Variants in VAX2 observed in about 807,000 individuals in gnomAD.
VAX2 encodes ventral anterior homeobox 2.
In VAX2, 8 loss-of-function variants were observed where a neutral mutation model predicts 12.5. The observed-to-expected ratio is 0.64, with a 90% CI of 0.37 to 1.15. VAX2 has a LOEUF of 1.15. Ranked by LOEUF, VAX2 falls within the 50% of genes most tolerant of loss-of-function variation. The pLI, the probability that VAX2 is intolerant of heterozygous loss-of-function variation, is 0.01. For synonymous variants in VAX2, 183 were observed against 187.6 expected, an observed-to-expected ratio of 0.98 and a Z score of 0.20; for missense variants, 476 against 412.9, an observed-to-expected ratio of 1.15 and a Z score of -1.32.
At chr2:70,921,613 G>A (rs1241763623) in intron 2 of VAX2, among the ~76,000 whole-genome samples, 2 of 152,056 alleles carry the variant, frequency 1.3e-5, no homozygotes, top group Non-Finnish European at 2.9e-5. Context: ...TGTAAGAGGA[G>A]TGACAAGAAG....
At chr2:70,928,425 A>G (rs1679620052) in intron 2 of VAX2, among the ~76,000 whole-genome samples, 1 of 152,176 alleles carries the variant, frequency 6.6e-6, no homozygotes, top group African/African-American at 2.4e-5. Context: ...CAAGGTTGAG[A>G]ATTCCTGACC....
Position 70,933,041 on chromosome 2 carries a change from C to A in VAX2, c.710C>A (p.Ala237Glu). The change falls in exon 3 of 3, where the codon GCG becomes GAG. Residue 237 changes from alanine to glutamate, a missense_variant. Ala to Glu is a moderately radical substitution (Grantham distance 107, BLOSUM62 -1). Transcript: ENST00000234392. ...PRLNPLSSAS[A>E]SPPLPPPLPA... ...CTCAACCCGCTGTCCTCGGCCTCAGCGTCCCCCCCACTGCCGCCCCCTCTG... is the reference window on the plus strand; with the variant it reads ...CTCAACCCGCTGTCCTCGGCCTCAGAGTCCCCCCCACTGCCGCCCCCTCTG... 1 of 1,598,054 alleles carries A rather than the reference C, an allele frequency of 6.3e-7. No individual in the cohort carries two copies. The highest frequency in any genetic ancestry group is 8.5e-7 in the Non-Finnish European group (1 of 1,172,030).
At chr2:70,911,842 G>A (rs1679192956) in intron 1 of VAX2, among the ~76,000 whole-genome samples, 1 of 152,118 alleles carries the variant, frequency 6.6e-6, no homozygotes. Flanking sequence ...AATTCATTAT[G>A]AATATTTTCT....
At chr2:70,929,555 C>T (rs1273951757) in intron 2 of VAX2, among the ~76,000 whole-genome samples, 1 of 152,076 alleles carries the variant, frequency 6.6e-6, no homozygotes, top group Non-Finnish European at 1.5e-5. Flanking sequence ...GGTGTGATGG[C>T]ACACGCCTAT....
chr2:70,930,698 G>A (rs921638559), intron 2 of VAX2, among the ~76,000 whole-genome samples: 5 of 152,224 alleles, frequency 3.3e-5, no homozygotes, highest in African/African-American at 1.2e-4. Context: ...TCTTGGCTCT[G>A]CCTGTCTTCT....
intron 1 of VAX2, among the ~76,000 whole-genome samples, chr2:70,905,408 C>T (rs1215618595): frequency 6.6e-6 from 1 of 152,110 alleles, no homozygotes; most frequent in Non-Finnish European, 1.5e-5. Context: ...CCCACATTCC[C>T]ATAGCGTGCC....
chr2:70,927,380 GC>G (rs1181821170), intron 2 of VAX2, among the ~76,000 whole-genome samples: 1 of 151,718 alleles, frequency 6.6e-6, no homozygotes, highest in African/African-American at 2.4e-5. Flanking sequence ...TGCCCACCTA[GC>G]TTGGGTAAGA....
At chr2:70,932,059 G>T (rs1679705040) in intron 2 of VAX2, among the ~76,000 whole-genome samples, 1 of 152,224 alleles carries the variant, frequency 6.6e-6, no homozygotes, top group African/African-American at 2.4e-5. Flanking sequence ...GGGGCTTAAA[G>T]CTCCCCAGGT....
At chr2:70,915,188 C>T (rs1679282799) in intron 1 of VAX2, among the ~76,000 whole-genome samples, 1 of 151,868 alleles carries the variant, frequency 6.6e-6, no homozygotes, top group Non-Finnish European at 1.5e-5. Context: ...AAGTTTTTAG[C>T]TTTAATATAG....
chr2:70,932,793 C>A lies in VAX2; in HGVS notation c.462C>A (p.Arg154=). 1 of 1,593,960 alleles carries A rather than the reference C, an allele frequency of 6.3e-7. No individual in the cohort carries two copies. Among genetic ancestry groups the A allele is most frequent in the Non-Finnish European group, 8.6e-7 (1 of 1,168,792 alleles). Residue 154 remains arginine (R), a synonymous_variant, in exon 3 of 3, where the codon CGC becomes CGA. Coordinates refer to ENST00000234392, the MANE Select transcript of VAX2 (RefSeq NM_012476.3). Reference sequence around the variant, plus strand: ...TGAAGGTCTGGTTCCAGAACCGCCGCACCAAGCAGAAGAAAGACCAGAGCA... The same window carrying A: ...TGAAGGTCTGGTTCCAGAACCGCCGAACCAAGCAGAAGAAAGACCAGAGCA... ...TQVKVWFQNR[R]TKQKKDQSRD...
intron 1 of VAX2, among the ~76,000 whole-genome samples, chr2:70,916,783 A>G (rs959400631): frequency 6.6e-6 from 1 of 152,096 alleles, no homozygotes; most frequent in Non-Finnish European, 1.5e-5. Context: ...CATCTGATTT[A>G]TTTCCATTAG....
At chr2:70,908,440 C>T (rs1252968097) in intron 1 of VAX2, among the ~76,000 whole-genome samples, 1 of 152,132 alleles carries the variant, frequency 6.6e-6, no homozygotes, top group Non-Finnish European at 1.5e-5. Context: ...AGTTATATAA[C>T]TTTTTTCTTC....
intron 1 of VAX2, 111 bp downstream of exon 1, chr2:70,900,979 C>A: frequency 9.4e-7 from 1 of 1,065,376 alleles, no homozygotes; most frequent in Non-Finnish European, 1.2e-6. Context: ...ATTCATTCGT[C>A]ATCCAGTCAT....
chr2:70,921,293 A>G lies in VAX2; in HGVS notation c.435+8A>G, dbSNP rs1679453129. 1 of 1,601,722 alleles carries G rather than the reference A, an allele frequency of 6.2e-7. No homozygotes were observed. The highest frequency in any genetic ancestry group is 8.5e-7 in the Non-Finnish European group (1 of 1,174,690). ...AACCTCTCCGAGACCCAGGTAAGAGACCAGGGCCAGGCCACTCCACTCTTG... is the reference window on the plus strand; with the variant it reads ...AACCTCTCCGAGACCCAGGTAAGAGGCCAGGGCCAGGCCACTCCACTCTTG... On this transcript the variant is annotated splice_region_variant and intron_variant, in intron 2 of 2. Transcript: ENST00000234392.
chr2:70,925,221 C>A (rs1679541720), intron 2 of VAX2, among the ~76,000 whole-genome samples: 1 of 152,132 alleles, frequency 6.6e-6, no homozygotes, highest in African/African-American at 2.4e-5. Context: ...TACAGAGGTT[C>A]TCTGGCTGCC....
intron 2 of VAX2, among the ~76,000 whole-genome samples, chr2:70,922,244 G>GGC (rs1461805651): frequency 6.6e-6 from 1 of 152,222 alleles, no homozygotes; most frequent in Non-Finnish European, 1.5e-5. Flanking sequence ...ATCAATACAT[G>GGC]CATTGTAAAC....
chr2:70,920,974 C>G, intron 1 of VAX2, 124 bp from the exon 2 acceptor site: 1 of 1,187,176 alleles, frequency 8.4e-7, no homozygotes, highest in Non-Finnish European at 1.1e-6. Context: ...TGTCACAGGT[C>G]ATGCAACCAG....
rs151030882 is a variant in VAX2 at position 70,910,705 on chromosome 2, G to A, written c.247+9837G>A. 4.0e-4 allele frequency among the ~76,000 whole-genome samples: 60 copies of A among 149,988 alleles called. No individual in the cohort carries two copies. The East Asian group carries it at 7.8e-3, about 19-fold the overall frequency. On this transcript the variant is annotated intron_variant, in intron 1 of 2. Coordinates refer to ENST00000234392, the MANE Select transcript of VAX2 (RefSeq NM_012476.3). ...GATCACTAATTGTTTTCTCATCTTC[G>A]TAAGTGCCACTTATATAGTAAGGAA...
intron 1 of VAX2, among the ~76,000 whole-genome samples, chr2:70,903,075 G>A (rs914403918): frequency 6.6e-6 from 1 of 152,124 alleles, no homozygotes; most frequent in African/African-American, 2.4e-5. Context: ...TCCTAGCCAG[G>A]GTCACCTGTG....
Sources: allele counts gnomAD v4.1 joint callset (sites outside exome capture counted in the v4.1 genomes callset), GRCh38; gene constraint gnomAD v4.1.1; transcripts MANE v1.5; gene names NCBI Gene and HGNC (gene_info 2026-07-23, HGNC 2026-07-21).